CACNB2: variants seen among roughly 807,000 people sequenced by gnomAD.
The protein encoded by CACNB2 is voltage-dependent L-type calcium channel subunit beta-2.
Under a neutral mutation model 73.3 loss-of-function variants are expected in CACNB2, and 42 were observed. The ratio of observed to expected loss-of-function variants is 0.57; its 90% CI spans 0.45 to 0.74. CACNB2 has a LOEUF of 0.74. Among genes scored for constraint, CACNB2 ranks in the 30% least tolerant of loss-of-function variants. The pLI, the probability that CACNB2 is intolerant of heterozygous loss-of-function variation, is 0.00. For missense variants in CACNB2, 940 were observed against 853.0 expected (o/e 1.10, Z -1.27); for synonymous variants, 348 against 310.3 (o/e 1.12, Z -1.28).
rs1564554330 is a variant in CACNB2 at position 18,443,018 on chromosome 10, A to ATATATATATATATGTATATATATATATG, written c.333+40988_333+40989insGTATATATATATATGTATATATATATAT. ...TATATGTGTATATATATATATGTAT[A>ATATATATATATATGTATATATATATATG]TATATATATATATATATAAATAAGG... On this transcript the variant is annotated intron_variant, in intron 3 of 13. Coordinates refer to ENST00000324631, the MANE Select transcript of CACNB2 (RefSeq NM_201596.3). Among the ~76,000 whole-genome samples, 78 of 69,980 alleles carry ATATATATATATATGTATATATATATATG rather than the reference A, an allele frequency of 1.1e-3. 9 individuals are homozygous for ATATATATATATATGTATATATATATATG. The highest frequency in any genetic ancestry group is 2.6e-3 in the East Asian group (3 of 1,154). 45.9% of individuals were successfully genotyped at this position (69,980 alleles called of 152,430 possible).
intron 3 of CACNB2, among the ~76,000 whole-genome samples, chr10:18,448,409 A>AGGT (rs1442081360): frequency 1.5e-5 from 2 of 136,750 alleles, no homozygotes; most frequent in African/African-American, 5.4e-5. Context: ...TGGGAGGCGG[A>AGGT]GGTTGCGGTG....
chr10:18,376,023 T>C (rs766045385), intron 2 of CACNB2, among the ~76,000 whole-genome samples: 27 of 152,228 alleles, frequency 1.8e-4, no homozygotes, highest in Non-Finnish European at 3.7e-4. Flanking sequence ...AATTAGTATT[T>C]GGGAGAGATA....
Position 18,518,918 on chromosome 10 carries a change from TATG to T in CACNB2, c.898_900del (p.Met300del), listed in dbSNP as rs2051551471. Reference sequence around the variant, plus strand: ...TGCTTGCTCAATTGCAGGTCACAGATATGATGCAAAAAGCGCTGTTTGATTTTT... The same window carrying T: ...TGCTTGCTCAATTGCAGGTCACAGATATGCAAAAAGCGCTGTTTGATTTTT... On this transcript the variant is annotated inframe_deletion, in exon 9 of 14. Transcript: ENST00000324631. 1 of 1,613,762 alleles carries T rather than the reference TATG, an allele frequency of 6.2e-7. No individual in the cohort carries two copies. Among genetic ancestry groups the T allele is most frequent in the Non-Finnish European group, 8.5e-7 (1 of 1,179,716 alleles).
chr10:18,454,289 A>G (rs2047159672), intron 3 of CACNB2, among the ~76,000 whole-genome samples: 2 of 152,208 alleles, frequency 1.3e-5, no homozygotes, highest in Admixed American at 6.5e-5. Flanking sequence ...AAGTACCTAT[A>G]TTGTGTTACT....
chr10:18,462,065 T>G (rs1345374175), intron 3 of CACNB2, among the ~76,000 whole-genome samples: 1 of 152,154 alleles, frequency 6.6e-6, no homozygotes, highest in East Asian at 1.9e-4. Flanking sequence ...TGTGTTTTGC[T>G]CATTTTCCCC....
intron 2 of CACNB2, among the ~76,000 whole-genome samples, chr10:18,183,802 C>G (rs1469275545): frequency 6.6e-6 from 1 of 152,018 alleles, no homozygotes; most frequent in Non-Finnish European, 1.5e-5. Context: ...TATGGGTGCC[C>G]TAGGAGGCCG....
At chr10:18,310,342 A>G (rs2039908931) in intron 2 of CACNB2, among the ~76,000 whole-genome samples, 1 of 152,030 alleles carries the variant, frequency 6.6e-6, no homozygotes, top group Non-Finnish European at 1.5e-5. Context: ...GTGGTGGCTC[A>G]CGCCCGTAAT....
Position 18,326,062 on chromosome 10 carries a change from T to TCCTA in CACNB2, c.214-75860_214-75857dup, listed in dbSNP as rs547873907. On this transcript the variant is annotated intron_variant, in intron 2 of 13. Coordinates refer to ENST00000324631, the MANE Select transcript of CACNB2 (RefSeq NM_201596.3). ...AAACCTATTTTTTCTTCATGTTGAT[T>TCCTA]CCTACGGTGTTAGTCCTATGCTAAC... is the stretch of plus-strand genomic sequence containing the variant. Among the ~76,000 whole-genome samples the TCCTA allele has an allele frequency of 7.9e-4, 120 of 152,284 alleles. 1 individual carries two copies. In the South Asian group the frequency reaches 0.024, roughly 30 times the overall value.
At chr10:18,408,869 T>G (rs2044449168) in intron 3 of CACNB2, among the ~76,000 whole-genome samples, 1 of 152,186 alleles carries the variant, frequency 6.6e-6, no homozygotes, top group South Asian at 2.1e-4. Flanking sequence ...TATTATTTTT[T>G]TAGACAAGGT....
chr10:18,273,307 C>T (rs1206874641), intron 2 of CACNB2, among the ~76,000 whole-genome samples: 1 of 151,868 alleles, frequency 6.6e-6, no homozygotes, highest in East Asian at 1.9e-4. Flanking sequence ...ACCATGCTTA[C>T]AGACAGTGGA....
At position 18,534,276 on chromosome 10, in the gene CACNB2, G is replaced by GTA. The variant is rs763453270; in HGVS notation, c.1206+51_1206+52dup. ...CTCTATAATCAAACTTTCCTAAAAT[G>GTA]TATTTTATGTTCTGCTTTCTATAAT... On this transcript the variant is annotated intron_variant, in intron 11 of 13. Coordinates refer to ENST00000324631, the MANE Select transcript of CACNB2 (RefSeq NM_201596.3). The GTA allele has an allele frequency of 1.2e-5, 18 of 1,459,112 alleles. No homozygotes were observed. In the African/African-American group the frequency reaches 2.5e-4, roughly 20 times the overall value. 90.4% of individuals were successfully genotyped at this position (1,459,112 alleles called of 1,614,324 possible). A position where few individuals can be genotyped will look rare whatever the true frequency, so the allele number is the denominator to read the frequency against.
intron 2 of CACNB2, among the ~76,000 whole-genome samples, chr10:18,274,358 T>A (rs564306032): frequency 2.4e-4 from 37 of 152,288 alleles, no homozygotes; most frequent in Middle Eastern, 6.8e-3. Context: ...ACTGCAAATA[T>A]CTTAAAAAGT....
intron 2 of CACNB2, among the ~76,000 whole-genome samples, chr10:18,241,900 T>C (rs921615520): frequency 1.3e-5 from 2 of 152,074 alleles, no homozygotes; most frequent in Non-Finnish European, 2.9e-5. Context: ...AGAAGAATTG[T>C]AAGTGGATTG....
chr10:18,275,321 TTTATCC>T (rs2038233243), intron 2 of CACNB2, among the ~76,000 whole-genome samples: 1 of 152,200 alleles, frequency 6.6e-6, no homozygotes, highest in South Asian at 2.1e-4. Context: ...ATTTCCCAAC[TTTATCC>T]TGTTAATGCC....
At chr10:18,286,622 G>A (rs1207891480) in intron 2 of CACNB2, among the ~76,000 whole-genome samples, 1 of 146,386 alleles carries the variant, frequency 6.8e-6, no homozygotes, top group Non-Finnish European at 1.5e-5. Flanking sequence ...ATGTTTTTAT[G>A]CATTTTCCAT....
At chr10:18,384,527 A>G (rs2043144938) in intron 2 of CACNB2, among the ~76,000 whole-genome samples, 1 of 152,010 alleles carries the variant, frequency 6.6e-6, no homozygotes, top group South Asian at 2.1e-4. Context: ...GGACTTCGAG[A>G]CTACCCTGGG....
chr10:18,243,984 G>C (rs1311579799), intron 2 of CACNB2, among the ~76,000 whole-genome samples: 1 of 152,178 alleles, frequency 6.6e-6, no homozygotes, highest in African/African-American at 2.4e-5. Context: ...TTTACTCTTA[G>C]AACCCTGTTT....
At chr10:18,313,401 T>C (rs1171783188) in intron 2 of CACNB2, among the ~76,000 whole-genome samples, 1 of 151,346 alleles carries the variant, frequency 6.6e-6, no homozygotes, top group Non-Finnish European at 1.5e-5. Context: ...TCTCCAACTG[T>C]GACAACCAAA....
intron 3 of CACNB2, among the ~76,000 whole-genome samples, chr10:18,497,767 CT>C (rs1048692121): frequency 2.0e-5 from 3 of 152,064 alleles, no homozygotes; most frequent in African/African-American, 7.2e-5. Flanking sequence ...GGAAAGAGAT[CT>C]TAATTAATAT....
Sources: gnomAD v4.1 joint callset for allele counts (sites outside exome capture counted in the v4.1 genomes callset) on GRCh38, gnomAD v4.1.1 for gene constraint, MANE v1.5 for transcripts, NCBI Gene and HGNC (gene_info 2026-07-23, HGNC 2026-07-21) for gene names.